Variants in PI4KA observed in about 807,000 individuals in gnomAD.
PI4KA encodes PI4-kinase alpha.
A neutral mutation model predicts 271.4 loss-of-function variants in PI4KA; 122 were observed. The observed-to-expected ratio is 0.45, with a 90% CI of 0.39 to 0.52. The LOEUF (loss-of-function observed/expected upper bound fraction) is 0.52. Ranked by LOEUF, PI4KA falls within the 20% of genes least tolerant of loss-of-function variation. The probability of loss-of-function intolerance (pLI) is 0.00; values close to 1 mark genes in which losing one functional copy is unlikely to be tolerated. For synonymous variants in PI4KA, 1,041 were observed against 1,078.8 expected, an observed-to-expected ratio of 0.96 and a Z score of 0.69; for missense variants, 1,969 against 2,769.1, an observed-to-expected ratio of 0.71 and a Z score of 6.48.
chr22:20,822,763 C>A (rs1197561620), intron 4 of PI4KA, among the ~76,000 whole-genome samples: 1 of 152,202 alleles, frequency 6.6e-6, no homozygotes, highest in Admixed American at 6.5e-5. Context: ...AACTTCATTT[C>A]TCTCAACCAT....
chr22:20,744,635 G>A lies in PI4KA; in HGVS notation c.3449C>T (p.Ala1150Val), dbSNP rs774727253. The A allele has an allele frequency of 1.2e-5, 20 of 1,613,380 alleles. No homozygotes were observed. The highest frequency in any genetic ancestry group is 1.6e-4 in the Middle Eastern group (1 of 6,082). ...CAAGGACAAGAGAAGCACCTCGCCC[G>A]CGTAGCGGTTGCGCAGATTCAGGGA... ...MASLNLRNRY[A>V]GEVYGMIRFS... Residue 1150 changes from alanine (A) to valine (V), a missense_variant, in exon 30 of 55, where the codon GCG (alanine) becomes GTG (valine). Coordinates refer to ENST00000255882, the MANE Select transcript of PI4KA (RefSeq NM_058004.4).
chr22:20,729,725 C>CA lies in PI4KA; in HGVS notation c.4409-15dup, dbSNP rs777843519. ...TCTTAGACATGCCTAGGAGGAAAGA[C>CA]AAAGCACAGGTGTAGTCCTCAGATG... On this transcript the variant is annotated splice_polypyrimidine_tract_variant and intron_variant, in intron 37 of 54. Coordinates refer to ENST00000255882, the MANE Select transcript of PI4KA (RefSeq NM_058004.4). 9 of 1,589,790 alleles carry CA rather than the reference C, an allele frequency of 5.7e-6. No individual in the cohort carries two copies. In the East Asian group the frequency reaches 2.0e-4, roughly 36 times the overall value.
chr22:20,719,081 C>T (rs1332334070), intron 43 of PI4KA, among the ~76,000 whole-genome samples: 3 of 152,040 alleles, frequency 2.0e-5, no homozygotes, highest in Non-Finnish European at 2.9e-5. Context: ...CTGCTGCACA[C>T]GCTACACACG....
chr22:20,845,796 T>TA (rs1454197601), intron 1 of PI4KA, among the ~76,000 whole-genome samples: 4 of 152,006 alleles, frequency 2.6e-5, no homozygotes, highest in African/African-American at 9.7e-5. Flanking sequence ...GCCTAGGAGT[T>TA]AGAGGCTGCA....
chr22:20,750,632 G>C (rs988956922), intron 27 of PI4KA, among the ~76,000 whole-genome samples: 1 of 152,244 alleles, frequency 6.6e-6, no homozygotes, highest in African/African-American at 2.4e-5. Flanking sequence ...TCTGGGACTG[G>C]ATGGAAGGGC....
rs79903906 is a variant in PI4KA at position 20,787,776 on chromosome 22, T to C, written c.2328+5417A>G. 6.5e-4 allele frequency: 101 copies of C among 155,546 alleles called. 1 individual carries two copies. The highest frequency in any genetic ancestry group is 2.4e-3 in the African/African-American group (98 of 41,568). 9.6% of individuals were successfully genotyped at this position (155,546 alleles called of 1,614,324 possible). A position where few individuals can be genotyped will look rare whatever the true frequency, so the allele number is the denominator to read the frequency against. On this transcript the variant is annotated intron_variant, in intron 19 of 54. Transcript: ENST00000255882. ...TCAAATATCAAAAGCCAAATCCAAA[T>C]TCCTGGATAACTCCAGGTATGATAA... is the stretch of plus-strand genomic sequence containing the variant.
chr22:20,782,834 G>C (rs1021955698), intron 19 of PI4KA, among the ~76,000 whole-genome samples: 3 of 152,156 alleles, frequency 2.0e-5, no homozygotes, highest in Non-Finnish European at 4.4e-5. Context: ...CTGAGGTTGA[G>C]AAACCCTGGG....
chr22:20,794,360 G>A (rs956211869), intron 18 of PI4KA, among the ~76,000 whole-genome samples: 8 of 152,144 alleles, frequency 5.3e-5, no homozygotes, highest in African/African-American at 1.9e-4. Flanking sequence ...TTTCTCAGGT[G>A]CTCAGCACCA....
rs1278675537 is a variant in PI4KA, at chr22:20,810,985, A to T, written c.1053T>A (p.Ile351=). The change falls in exon 9 of 55, where the codon ATT becomes ATA. Residue 351 remains isoleucine, a synonymous_variant. Transcript: ENST00000255882. ...EEAVLKSLDA[I]VASVMEANPS... ...GACATACCTCCATCACACTGGCTAC[A>T]ATGGCATCCAAAGATTTGAGAACAG... 2 of 1,613,574 alleles carry T rather than the reference A, an allele frequency of 1.2e-6. No individual in the cohort carries two copies. Among genetic ancestry groups the T allele is most frequent in the East Asian group, 4.5e-5 (2 of 44,878 alleles).
At chr22:20,779,171 A>G in intron 19 of PI4KA, 1 of 1,556,974 alleles carries the variant, frequency 6.4e-7, no homozygotes, top group African/African-American at 1.4e-5. Context: ...ATCCTAAAAC[A>G]GTTAAGAACT....
chr22:20,779,978 T>C, intron 19 of PI4KA: 1 of 1,614,204 alleles, frequency 6.2e-7, no homozygotes, highest in Non-Finnish European at 8.5e-7. Context: ...GGTCAGTCAA[T>C]GACCTTTATA....
intron 1 of PI4KA, among the ~76,000 whole-genome samples, chr22:20,842,886 G>A (rs570430802): frequency 2.0e-4 from 31 of 151,394 alleles, no homozygotes; most frequent in East Asian, 5.8e-4. Flanking sequence ...CGAGGTGGGC[G>A]GATCACGAGA....
chr22:20,817,953 T>C (rs1444350393), intron 7 of PI4KA, among the ~76,000 whole-genome samples: 2 of 151,478 alleles, frequency 1.3e-5, no homozygotes, highest in Admixed American at 6.6e-5. Context: ...GGTGAAACCC[T>C]GTCTCTACTA....
chr22:20,783,587 A>C (rs1427266174), intron 19 of PI4KA, among the ~76,000 whole-genome samples: 1 of 152,158 alleles, frequency 6.6e-6, no homozygotes, highest in Non-Finnish European at 1.5e-5. Context: ...GCCGCACTCC[A>C]GCCTGCATGA....
At chr22:20,787,873 G>A (rs1053255663) in intron 19 of PI4KA, among the ~76,000 whole-genome samples, 6 of 152,320 alleles carry the variant, frequency 3.9e-5, no homozygotes, top group Admixed American at 3.9e-4. Context: ...GGACAGGTGT[G>A]TGCTGAATCC....
rs191767730 is a variant in PI4KA at position 20,816,773 on chromosome 22, G to A, written c.856+1710C>T. On this transcript the variant is annotated intron_variant, in intron 7 of 54. Transcript: ENST00000255882. The stretch of plus-strand genomic sequence containing the variant: ...CGTCACCACTACAGGCAAAGTGGGC[G>A]GCAGCCAAGTCTGATGGAGTGATAC... 7.5e-4 allele frequency among the ~76,000 whole-genome samples: 114 copies of A among 152,362 alleles called. 1 individual carries two copies. The highest frequency in any genetic ancestry group is 3.9e-3 in the South Asian group (19 of 4,830).
At chr22:20,725,291 G>C (rs1041426569) in intron 42 of PI4KA, 2 of 206,714 alleles carry the variant, frequency 9.7e-6, no homozygotes, top group African/African-American at 4.6e-5. Flanking sequence ...CTGGCGCGAG[G>C]GCAGAGGCGG....
In PI4KA at chr22:20,845,908, C is replaced by T. The variant is rs189860997; in HGVS notation, c.157-7177G>A. On this transcript the variant is annotated intron_variant, in intron 1 of 54. Coordinates refer to ENST00000255882, the MANE Select transcript of PI4KA (RefSeq NM_058004.4). ...AAGATGCTCTTTGGTCATCTGTAGA[C>T]AGATTCATGACCTTCTAACAAACAA... Among the ~76,000 whole-genome samples, 38 of 151,890 alleles carry T rather than the reference C, an allele frequency of 2.5e-4. No individual in the cohort carries two copies. In the East Asian group the frequency reaches 6.6e-3, roughly 26 times the overall value.
At chr22:20,840,091 C>T (rs185760282) in intron 1 of PI4KA, among the ~76,000 whole-genome samples, 9 of 152,322 alleles carry the variant, frequency 5.9e-5, no homozygotes, top group Admixed American at 5.2e-4. Flanking sequence ...ACAGAAGATA[C>T]ATTCCACTAC....
Sources: gnomAD v4.1 joint callset for allele counts (sites outside exome capture counted in the v4.1 genomes callset) on GRCh38, gnomAD v4.1.1 for gene constraint, MANE v1.5 for transcripts, NCBI Gene and HGNC (gene_info 2026-07-23, HGNC 2026-07-21) for gene names.